The following HNF1B variants were observed in gnomAD, a reference collection of about 807,000 sequenced individuals.
HNF1B encodes the protein hepatocyte nuclear factor 1-beta.
Under a neutral mutation model 61.7 loss-of-function variants are expected in HNF1B, and 8 were observed. That is an observed-to-expected ratio of 0.13 (90% CI 0.08 to 0.23). The LOEUF is 0.23. HNF1B is among the 10% of genes least tolerant of loss of function. The pLI, the probability that HNF1B is intolerant of heterozygous loss-of-function variation, is 1.00. For missense variants in HNF1B, 562 were observed against 714.5 expected (o/e 0.79, Z 2.43); for synonymous variants, 314 against 287.7 (o/e 1.09, Z -0.93).
chr17:37,713,039 G>A (rs1453476783), intron 4 of HNF1B, among the ~76,000 whole-genome samples: 1 of 152,238 alleles, frequency 6.6e-6, no homozygotes, highest in African/African-American at 2.4e-5. Flanking sequence ...ACCTGGGAGA[G>A]AGGTCTAGCC....
At chr17:37,690,429 G>A (rs928375709) in intron 8 of HNF1B, among the ~76,000 whole-genome samples, 3 of 152,212 alleles carry the variant, frequency 2.0e-5, no homozygotes, top group African/African-American at 7.2e-5. Flanking sequence ...CATGCTTGAT[G>A]TCTCTTTGTA....
intron 6 of HNF1B, among the ~76,000 whole-genome samples, chr17:37,701,742 G>C (rs1362435372): frequency 6.6e-6 from 1 of 152,190 alleles, no homozygotes; most frequent in Non-Finnish European, 1.5e-5. Context: ...CAACTCCCTT[G>C]ACTGTAACAG....
chr17:37,735,678 C>T (rs751094901), intron 2 of HNF1B, among the ~76,000 whole-genome samples: 1 of 152,180 alleles, frequency 6.6e-6, no homozygotes, highest in African/African-American at 2.4e-5. Flanking sequence ...TGACTGAAAG[C>T]TTAGGGACAC....
intron 8 of HNF1B, among the ~76,000 whole-genome samples, chr17:37,691,259 A>C (rs1469942443): frequency 1.3e-5 from 2 of 152,210 alleles, no homozygotes; most frequent in African/African-American, 4.8e-5. Flanking sequence ...AAGTGGAGAC[A>C]GTGAGGACAG....
At chr17:37,706,379 C>A (rs1399294748) in intron 5 of HNF1B, among the ~76,000 whole-genome samples, 3 of 152,114 alleles carry the variant, frequency 2.0e-5, no homozygotes, top group African/African-American at 7.2e-5. Context: ...CACCAGATGT[C>A]TGAGTAACTC....
At chr17:37,695,576 T>G (rs9908712) in intron 8 of HNF1B, among the ~76,000 whole-genome samples, 4,060 of 152,330 alleles carry the variant, frequency 0.027, 206 homozygotes, top group African/African-American at 0.093. Flanking sequence ...ACTAGCAGCT[T>G]GCAACCTCAG....
At chr17:37,729,511 G>C (rs1427402592) in intron 4 of HNF1B, 1 of 150,246 alleles carries the variant, frequency 6.7e-6, no homozygotes, top group African/African-American at 2.5e-5. Context: ...TGTTGCTCCA[G>C]AAACAGTAAT....
At chr17:37,721,296 C>G (rs1249262976) in intron 4 of HNF1B, among the ~76,000 whole-genome samples, 1 of 152,202 alleles carries the variant, frequency 6.6e-6, no homozygotes, top group Non-Finnish European at 1.5e-5. Context: ...TAACAGCACA[C>G]AGTTCCTGAA....
intron 5 of HNF1B, among the ~76,000 whole-genome samples, chr17:37,709,563 T>C (rs1014982435): frequency 3.3e-5 from 5 of 152,200 alleles, no homozygotes; most frequent in Admixed American, 2.0e-4. Context: ...GCCTAGAATC[T>C]AGTTTGATGT....
At chr17:37,740,047 C>T (rs2033949881) in intron 1 of HNF1B, among the ~76,000 whole-genome samples, 1 of 152,076 alleles carries the variant, frequency 6.6e-6, no homozygotes, top group Admixed American at 6.5e-5. Context: ...TCACTGCAAC[C>T]TCCACCAGGA....
At chr17:37,699,932 CATT>C (rs1189911400) in intron 7 of HNF1B, among the ~76,000 whole-genome samples, 1 of 152,228 alleles carries the variant, frequency 6.6e-6, no homozygotes, top group Non-Finnish European at 1.5e-5. Flanking sequence ...CTTTCACCAT[CATT>C]GCCTTCTAAG....
chr17:37,731,476 C>T (rs752748821), intron 4 of HNF1B, 119 bp downstream of exon 4: 16 of 800,578 alleles, frequency 2.0e-5, no homozygotes, highest in South Asian at 4.3e-5. Context: ...AATGAGAGAG[C>T]GGCCCTAGGA....
At position 37,687,716 on chromosome 17, in the gene HNF1B, T is replaced by G. The variant is rs536747445; in HGVS notation, c.1654-324A>C. Among the ~76,000 whole-genome samples, 8 of 152,292 alleles carry G rather than the reference T, an allele frequency of 5.3e-5. No individual in the cohort carries two copies. In the East Asian group the frequency reaches 5.8e-4, roughly 11 times the overall value. ...ACAGTGGCATTTATAGAGTGCTTAG[T>G]GTACTTGAAAAGGCAGCTGGATGGT... On this transcript the variant is annotated intron_variant, in intron 8 of 8. Coordinates refer to ENST00000617811, the MANE Select transcript of HNF1B (RefSeq NM_000458.4).
At chr17:37,708,079 A>G (rs1004629552) in intron 5 of HNF1B, among the ~76,000 whole-genome samples, 12 of 152,192 alleles carry the variant, frequency 7.9e-5, no homozygotes, top group Non-Finnish European at 1.8e-4. Context: ...ACAGATGAAG[A>G]AACTGAGGTT....
chr17:37,740,764 T>G (rs887440980), intron 1 of HNF1B, among the ~76,000 whole-genome samples: 2 of 152,226 alleles, frequency 1.3e-5, no homozygotes, highest in Admixed American at 1.3e-4. Flanking sequence ...TTCTCATAAA[T>G]TTTAAATACT....
At chr17:37,724,892 C>CTA (rs1202466562) in intron 4 of HNF1B, among the ~76,000 whole-genome samples, 1 of 132,672 alleles carries the variant, frequency 7.5e-6, no homozygotes, top group Admixed American at 8.0e-5. Context: ...TATATAACTT[C>CTA]TATATGTATG....
In HNF1B at chr17:37,701,168, G is replaced by T. The variant is rs2032559037; in HGVS notation, c.1349C>A (p.Thr450Asn). Residue 450 changes from threonine (T) to asparagine (N), a missense_variant, in exon 7 of 9, where the codon ACC becomes AAC. Physicochemically the swap from Thr to Asn is moderately conservative, Grantham distance 65 (BLOSUM62 0). Around this residue, in one of 6 missense-constraint regions of HNF1B, gnomAD observed 211 missense variants for 200.7 expected, o/e 1.05. Coordinates refer to ENST00000617811, the MANE Select transcript of HNF1B (RefSeq NM_000458.4). ...GVMAIAQSLN[T>N]SQAQSVPVIN... ...GACAGGGACACTCTGTGCTTGGGAG[G>T]TGTTGAGGCCTGTGGGAGCAAGAGG... 2 of 1,550,872 alleles carry T rather than the reference G, an allele frequency of 1.3e-6. No homozygotes were observed. The highest frequency in any genetic ancestry group is 2.0e-4 in the Middle Eastern group (1 of 5,128).
intron 7 of HNF1B, among the ~76,000 whole-genome samples, chr17:37,700,355 A>G (rs974856657): frequency 6.6e-6 from 1 of 152,216 alleles, no homozygotes; most frequent in Non-Finnish European, 1.5e-5. Context: ...TGGGGTAGGT[A>G]TAGAAATTGG....
At chr17:37,707,135 A>C (rs1317271355) in intron 5 of HNF1B, among the ~76,000 whole-genome samples, 2 of 127,388 alleles carry the variant, frequency 1.6e-5, no homozygotes, top group Non-Finnish European at 3.4e-5. Flanking sequence ...TTTTTTTTTG[A>C]GACAGGGTCT....
Sources: gnomAD v4.1 joint callset for allele counts (sites outside exome capture counted in the v4.1 genomes callset) on GRCh38, gnomAD v4.1.1 for gene constraint, gnomAD v4.1.1 regional missense constraint, MANE v1.5 for transcripts, NCBI Gene and HGNC (gene_info 2026-07-23, HGNC 2026-07-21) for gene names.